Variants in ST6GALNAC3 observed in about 807,000 individuals in gnomAD.
ST6GALNAC3 encodes ST6 N-acetylgalactosaminide alpha-2,6-sialyltransferase 3.
ST6GALNAC3 carries 25 observed loss-of-function variants against 32.7 expected under a neutral mutation model. The ratio of observed to expected loss-of-function variants is 0.76; its 90% CI spans 0.56 to 1.07. The LOEUF is 1.07. ST6GALNAC3 is among the 50% of genes least tolerant of loss of function. The pLI is 0.00. For missense variants in ST6GALNAC3, 355 were observed against 382.4 expected (o/e 0.93, Z 0.60); for synonymous variants, 129 against 133.1 (o/e 0.97, Z 0.21).
intron 3 of ST6GALNAC3, among the ~76,000 whole-genome samples, chr1:76,425,349 A>G (rs1328076820): frequency 1.3e-5 from 2 of 152,008 alleles, no homozygotes; most frequent in African/African-American, 2.4e-5. Flanking sequence ...ATAAAAGAGA[A>G]AACATCCTGT....
chr1:76,288,833 T>A (rs1659920217), intron 1 of ST6GALNAC3, among the ~76,000 whole-genome samples: 1 of 152,164 alleles, frequency 6.6e-6, no homozygotes, highest in Non-Finnish European at 1.5e-5. Context: ...GAGTCCTGGA[T>A]GAGAGGCTGA....
intron 2 of ST6GALNAC3, among the ~76,000 whole-genome samples, chr1:76,395,993 G>GA (rs1281982263): frequency 2.6e-5 from 4 of 152,040 alleles, no homozygotes; most frequent in African/African-American, 9.7e-5. Flanking sequence ...ACATAGAAAT[G>GA]AAAAATACTC....
intron 1 of ST6GALNAC3, among the ~76,000 whole-genome samples, chr1:76,091,677 C>T (rs1403135441): frequency 1.3e-5 from 2 of 152,206 alleles, no homozygotes; most frequent in African/African-American, 2.4e-5. Flanking sequence ...TGTTTAGATA[C>T]ACAGATACTT....
At chr1:76,362,716 C>G (rs1437567180) in intron 2 of ST6GALNAC3, among the ~76,000 whole-genome samples, 2 of 152,258 alleles carry the variant, frequency 1.3e-5, no homozygotes, top group African/African-American at 2.4e-5. Flanking sequence ...CATTTTAAAG[C>G]TTCAAAGTAA....
chr1:76,181,333 A>G (rs1358145785), intron 1 of ST6GALNAC3, among the ~76,000 whole-genome samples: 8 of 152,230 alleles, frequency 5.3e-5, no homozygotes, highest in Non-Finnish European at 1.0e-4. Flanking sequence ...TTTTCTAGAA[A>G]GAAAGTCTTG....
chr1:76,293,010 A>G (rs1443471906), intron 1 of ST6GALNAC3, among the ~76,000 whole-genome samples: 5 of 152,124 alleles, frequency 3.3e-5, no homozygotes, highest in African/African-American at 1.2e-4. Context: ...TGCCAGATTA[A>G]TCCCTAGTTC....
chr1:76,497,222 C>G (rs972896836), intron 3 of ST6GALNAC3, among the ~76,000 whole-genome samples: 4 of 152,114 alleles, frequency 2.6e-5, no homozygotes, highest in Non-Finnish European at 5.9e-5. Flanking sequence ...ACTCTTGAAT[C>G]TTGGTCAGGA....
chr1:76,205,698 T>C (rs1654782359), intron 1 of ST6GALNAC3, among the ~76,000 whole-genome samples: 1 of 152,196 alleles, frequency 6.6e-6, no homozygotes, highest in Non-Finnish European at 1.5e-5. Context: ...GCATATATTT[T>C]TCCTCCCAAA....
At chr1:76,299,916 C>T (rs2100844167) in intron 1 of ST6GALNAC3, among the ~76,000 whole-genome samples, 1 of 152,068 alleles carries the variant, frequency 6.6e-6, no homozygotes, top group South Asian at 2.1e-4. Flanking sequence ...CTTTATGTAG[C>T]ACCATTTCTG....
At chr1:76,492,525 G>A (rs760831299) in intron 3 of ST6GALNAC3, among the ~76,000 whole-genome samples, 3 of 152,012 alleles carry the variant, frequency 2.0e-5, no homozygotes, top group Non-Finnish European at 4.4e-5. Flanking sequence ...ATTGACAGTC[G>A]CTTATCACCA....
At chr1:76,467,170 C>T (rs1481893985) in intron 3 of ST6GALNAC3, among the ~76,000 whole-genome samples, 3 of 151,952 alleles carry the variant, frequency 2.0e-5, no homozygotes, top group Non-Finnish European at 4.4e-5. Flanking sequence ...ACCTCCCATT[C>T]TTGTTCTTTT....
At chr1:76,398,538 C>G (rs775429302) in intron 2 of ST6GALNAC3, among the ~76,000 whole-genome samples, 1 of 152,084 alleles carries the variant, frequency 6.6e-6, no homozygotes, top group Non-Finnish European at 1.5e-5. Flanking sequence ...TTTATTCTAT[C>G]TGGCTTTTGC....
intron 1 of ST6GALNAC3, among the ~76,000 whole-genome samples, chr1:76,300,779 T>C (rs1476288480): frequency 6.6e-6 from 1 of 152,008 alleles, no homozygotes; most frequent in East Asian, 1.9e-4. Flanking sequence ...TGATGGCTGC[T>C]TTGTAATCAC....
chr1:76,539,365 T>G (rs569454671), intron 3 of ST6GALNAC3, among the ~76,000 whole-genome samples: 1 of 152,234 alleles, frequency 6.6e-6, no homozygotes, highest in East Asian at 1.9e-4. Flanking sequence ...AAAAATTAAC[T>G]CAAGATGGAT....
Position 76,181,775 on chromosome 1 carries a change from A to G in ST6GALNAC3, c.18+106891A>G, listed in dbSNP as rs578216260. On this transcript the variant is annotated intron_variant, in intron 1 of 4. Transcript: ENST00000328299. Reference sequence around the variant, plus strand: ...TGCTAGCTATTAATATTATAACTTTAGTTCAAATATTACTGATGTCTGTTC... The same window carrying G: ...TGCTAGCTATTAATATTATAACTTTGGTTCAAATATTACTGATGTCTGTTC... 8.5e-5 allele frequency among the ~76,000 whole-genome samples: 13 copies of G among 152,350 alleles called. No homozygotes were observed. The South Asian group carries it at 2.5e-3, about 29-fold the overall frequency.
intron 3 of ST6GALNAC3, among the ~76,000 whole-genome samples, chr1:76,436,628 C>A: frequency 6.6e-6 from 1 of 152,010 alleles, no homozygotes; most frequent in East Asian, 1.9e-4. Context: ...TTTAATGAAT[C>A]CTTAGTTTTG....
chr1:76,579,236 C>A (rs1187539368), intron 3 of ST6GALNAC3, among the ~76,000 whole-genome samples: 3 of 151,924 alleles, frequency 2.0e-5, no homozygotes, highest in African/African-American at 7.3e-5. Context: ...TAAAAGAAAC[C>A]TCTATGCATC....
Position 76,354,585 on chromosome 1 carries a change from G to T in ST6GALNAC3, c.213+40586G>T, listed in dbSNP as rs112915852. On this transcript the variant is annotated intron_variant, in intron 2 of 4. Transcript: ENST00000328299. ...GAAGTTTTTGTTGACTGATGGGTTG[G>T]TTGGTTGGCTTTAAAGTGAAGTAAT... Among the ~76,000 whole-genome samples, 844 of 152,322 alleles carry T rather than the reference G, an allele frequency of 5.5e-3. 7 individuals carry two copies. Among genetic ancestry groups the T allele is most frequent in the African/African-American group, 0.019 (805 of 41,570 alleles).
rs141853975 is a variant in ST6GALNAC3 at position 76,610,257 on chromosome 1, CCT to C, written c.624-17194_624-17193del. Among the ~76,000 whole-genome samples, 1,321 of 152,124 alleles carry C rather than the reference CCT, an allele frequency of 8.7e-3. 15 individuals are homozygous for C. Among genetic ancestry groups the C allele is most frequent in the African/African-American group, 0.03 (1,246 of 41,470 alleles). Reference sequence around the variant, plus strand: ...TGTCAGTGAGCTTGTAATTAAATCCCCTGTTAGCTTTATTTTCTTTACTGATG... The same window carrying C: ...TGTCAGTGAGCTTGTAATTAAATCCCGTTAGCTTTATTTTCTTTACTGATG... On this transcript the variant is annotated intron_variant, in intron 3 of 4. Coordinates refer to ENST00000328299, the MANE Select transcript of ST6GALNAC3 (RefSeq NM_152996.4).
Sources: allele counts gnomAD v4.1 joint callset (sites outside exome capture counted in the v4.1 genomes callset), GRCh38; gene constraint gnomAD v4.1.1; transcripts MANE v1.5; gene names NCBI Gene and HGNC (gene_info 2026-07-23, HGNC 2026-07-21).